EMC3: variants seen among roughly 807,000 people sequenced by gnomAD.
EMC3 encodes the protein 30 kDa protein.
Under a neutral mutation model 36.6 loss-of-function variants are expected in EMC3, and 13 were observed. That is an observed-to-expected ratio of 0.35 (90% confidence interval 0.23 to 0.56). The LOEUF is 0.56. EMC3 is among the 20% of genes least tolerant of loss of function. The pLI, the probability that EMC3 is intolerant of heterozygous loss-of-function variation, is 0.84. For missense variants in EMC3, 220 were observed against 324.5 expected (o/e 0.68, Z 2.47); for synonymous variants, 120 against 111.9 (o/e 1.07, Z -0.46).
At chr3:9,969,633 C>T (rs1304031925) in intron 7 of EMC3, 86 bp downstream of exon 7, 1 of 1,600,982 alleles carries the variant, frequency 6.2e-7, no homozygotes, top group East Asian at 2.2e-5. Flanking sequence ...CCACACAACA[C>T]TCCCTTCAAG....
intron 1 of EMC3, among the ~76,000 whole-genome samples, chr3:9,992,115 A>G (rs1027997043): frequency 6.6e-6 from 1 of 151,376 alleles, no homozygotes; most frequent in African/African-American, 2.4e-5. Context: ...TTTTTTTTAA[A>G]TTTTGTAATT....
chr3:10,008,576 G>A, intron 1 of EMC3: 5 of 728,824 alleles, frequency 6.9e-6, no homozygotes, highest in Admixed American at 6.8e-5. Context: ...GTCAGATAGT[G>A]GGGGGTGGGT....
chr3:10,008,492 G>T, intron 1 of EMC3: 1 of 1,367,060 alleles, frequency 7.3e-7, no homozygotes, highest in Non-Finnish European at 9.8e-7. Context: ...CTTCTCCTGG[G>T]GGGCTGACAG....
intron 7 of EMC3, 24 bp from the exon 8 acceptor site, chr3:9,964,221 G>A (rs779659814): frequency 2.5e-6 from 4 of 1,611,620 alleles, no homozygotes; most frequent in East Asian, 2.2e-5. Flanking sequence ...GAACACCCAG[G>A]CAGGAAGAGA....
chr3:9,977,524 T>C, intron 1 of EMC3, 78 bp from the exon 2 acceptor site: 1 of 1,330,922 alleles, frequency 7.5e-7, no homozygotes, highest in Non-Finnish European at 1.1e-6. Flanking sequence ...GTAGAAGACC[T>C]ATTTAAACAC....
intron 1 of EMC3, among the ~76,000 whole-genome samples, chr3:9,979,038 C>T (rs1372185879): frequency 1.3e-5 from 2 of 152,210 alleles, no homozygotes; most frequent in Non-Finnish European, 2.9e-5. Flanking sequence ...ATCTTCAAGT[C>T]TCAGCATCTC....
chr3:9,990,114 T>A (rs997095608), upstream of EMC3, among the ~76,000 whole-genome samples: 1 of 151,736 alleles, frequency 6.6e-6, no homozygotes, highest in African/African-American at 2.4e-5. Context: ...AAGCTCCACC[T>A]CCTGGGTTCA....
chr3:10,009,306 C>T (rs1476769583), intron 1 of EMC3, among the ~76,000 whole-genome samples: 1 of 152,230 alleles, frequency 6.6e-6, no homozygotes, highest in African/African-American at 2.4e-5. Flanking sequence ...TATCTGTCCC[C>T]TTTCCCCCCA....
rs1467612018 is a variant in EMC3, at chr3:9,998,377, A to ATAG, written c.-241-11476_-241-11475insCTA. On this transcript the variant is annotated intron_variant, in intron 1 of 8. Coordinates refer to the EMC3 transcript ENST00000470827. ...CGAGACTCTGTCTCAAATAATAATA[A>ATAG]TAATAATAATAATAATAATAATAAT... is the stretch of plus-strand genomic sequence containing the variant. Among the ~76,000 whole-genome samples the ATAG allele has an allele frequency of 2.8e-5, 4 of 142,950 alleles. No homozygotes were observed. In the East Asian group the frequency reaches 7.9e-4, roughly 28 times the overall value. The allele number at this position is 142,950 out of a possible 152,430, so 93.8% of individuals were successfully genotyped here.
intron 7 of EMC3, 137 bp downstream of exon 7, chr3:9,969,582 G>C (rs1191642837): frequency 6.5e-7 from 1 of 1,536,540 alleles, no homozygotes; most frequent in African/African-American, 1.4e-5. Context: ...AGAGAGACGT[G>C]TAAACTATGT....
chr3:9,986,679 TCC>T lies in EMC3; in HGVS notation c.-20_-19del, dbSNP rs1418756976. 6.2e-7 allele frequency: 1 copy of T among 1,613,376 alleles called. No homozygotes were observed. Among genetic ancestry groups the T allele is most frequent in the East Asian group, 2.2e-5 (1 of 44,866 alleles). On this transcript the variant is annotated 5_prime_UTR_variant, in exon 1 of 8. Transcript: ENST00000245046. ...CCTGCCATCTTCACTGAAAGCTGGTTCCCAGTCTGGAATGGGCGAGCTTCTCT... is the reference window on the plus strand; with the variant it reads ...CCTGCCATCTTCACTGAAAGCTGGTTCAGTCTGGAATGGGCGAGCTTCTCT...
At chr3:9,986,328 A>G (rs867970747) in intron 1 of EMC3, among the ~76,000 whole-genome samples, 179 bp downstream of exon 1, 17 of 152,314 alleles carry the variant, frequency 1.1e-4, no homozygotes, top group Middle Eastern at 6.8e-3. Flanking sequence ...CTGTCTATGA[A>G]GCAGGTACTG....
intron 1 of EMC3, among the ~76,000 whole-genome samples, chr3:9,994,603 T>C (rs1480622309): frequency 6.8e-6 from 1 of 147,950 alleles, no homozygotes; most frequent in Non-Finnish European, 1.5e-5. Context: ...AGAGTTTCGT[T>C]CTTGTTGCCC....
intron 7 of EMC3, chr3:9,969,393 A>G (rs2085762733): frequency 7.6e-6 from 9 of 1,178,920 alleles, no homozygotes; most frequent in African/African-American, 1.6e-5. Flanking sequence ...AATGCAATTT[A>G]TATCTGATGT....
At chr3:9,973,018 T>C (rs561708219) in intron 5 of EMC3, among the ~76,000 whole-genome samples, 5 of 147,294 alleles carry the variant, frequency 3.4e-5, no homozygotes, top group East Asian at 4.3e-4. Context: ...TTAGTAGAGA[T>C]GGGGTTTCAC....
chr3:10,001,764 G>A lies in EMC3; in HGVS notation c.-242+9259C>T, dbSNP rs550930085. 5.3e-5 allele frequency among the ~76,000 whole-genome samples: 8 copies of A among 152,190 alleles called. No individual in the cohort carries two copies. In the East Asian group the frequency reaches 5.8e-4, roughly 11 times the overall value. ...TGTAATTCCAGCACTATGAGAGACC[G>A]AGGCGGGCAGATCACGAGTTCAGGA... is the stretch of plus-strand genomic sequence containing the variant. On this transcript the variant is annotated intron_variant, in intron 1 of 8. Coordinates refer to the EMC3 transcript ENST00000470827.
At chr3:10,003,047 C>T (rs1284797341) in intron 1 of EMC3, 2 of 455,228 alleles carry the variant, frequency 4.4e-6, no homozygotes, top group Non-Finnish European at 4.4e-6. Flanking sequence ...GCTCAACAAG[C>T]CGCCCAGCAT....
intron 1 of EMC3, chr3:10,010,495 C>G (rs767267363): frequency 1.3e-5 from 2 of 152,672 alleles, no homozygotes; most frequent in Non-Finnish European, 2.9e-5. Context: ...CCTGAGCACC[C>G]CATCTGCAGT....
chr3:9,997,457 G>GTTGTT lies in EMC3; in HGVS notation c.-241-10560_-241-10556dup, dbSNP rs541563389. Among the ~76,000 whole-genome samples the GTTGTT allele has an allele frequency of 4.6e-5, 7 of 152,108 alleles. No individual in the cohort carries two copies. The South Asian group carries it at 8.3e-4, about 18-fold the overall frequency. On this transcript the variant is annotated intron_variant, in intron 1 of 8. Coordinates refer to the EMC3 transcript ENST00000470827. ...TTTAGTAATTCCATTCTTTGTTTTT[G>GTTGTT]TTGTTTTGTTTTGTTTTGTTGAGAC... is the stretch of plus-strand genomic sequence containing the variant.
Sources: allele counts gnomAD v4.1 joint callset (sites outside exome capture counted in the v4.1 genomes callset), GRCh38; gene constraint gnomAD v4.1.1; transcripts MANE v1.5; gene names NCBI Gene and HGNC (gene_info 2026-07-23, HGNC 2026-07-21).